The following NFE2L3 variants were observed in gnomAD, a reference collection of about 807,000 sequenced individuals.
The protein encoded by NFE2L3 is NFE2 like bZIP transcription factor 3.
NFE2L3 carries 18 observed loss-of-function variants against 23.5 expected under a neutral mutation model. The ratio of observed to expected loss-of-function variants is 0.77; its 90% CI spans 0.53 to 1.13. The LOEUF (loss-of-function observed/expected upper bound fraction) is 1.13. Ranked by LOEUF, NFE2L3 falls within the 50% of genes most tolerant of loss-of-function variation. The probability of loss-of-function intolerance (pLI) is 0.00; values close to 1 mark genes in which losing one functional copy is unlikely to be tolerated. For synonymous variants in NFE2L3, 424 were observed against 354.5 expected, an observed-to-expected ratio of 1.20 and a Z score of -2.20; for missense variants, 1,152 against 877.2, an observed-to-expected ratio of 1.31 and a Z score of -3.96.
Position 26,184,920 on chromosome 7 carries a change from G to A in NFE2L3, c.1222G>A (p.Val408Ile), listed in dbSNP as rs986956113. ...AGAAGACAACTTTGATCCAATCGAT[G>A]TTTCTCAGCTTTTTGATGAACCAGA... is the stretch of plus-strand genomic sequence containing the variant. Reference protein sequence around the residue: ...ATEDNFDPIDVSQLFDEPDSD... With the variant: ...ATEDNFDPIDISQLFDEPDSD... The change falls in exon 4 of 4, where the codon GTT (valine) becomes ATT (isoleucine). Residue 408 changes from valine to isoleucine, a missense_variant. Transcript: ENST00000056233. 6.2e-7 allele frequency: 1 copy of A among 1,613,798 alleles called. No individual in the cohort carries two copies. The highest frequency in any genetic ancestry group is 8.5e-7 in the Non-Finnish European group (1 of 1,179,852).
In NFE2L3 at chr7:26,183,924, A is replaced by G. The variant is rs1782401644; in HGVS notation, c.834+140A>G. 3 of 625,206 alleles carry G rather than the reference A, an allele frequency of 4.8e-6. No homozygotes were observed. The South Asian group carries it at 6.0e-5, about 12-fold the overall frequency. The allele number at this position is 625,206 out of a possible 1,614,324, so 38.7% of individuals were successfully genotyped here. On this transcript the variant is annotated intron_variant, in intron 3 of 3. Transcript: ENST00000056233. ...TACAGAAGCACTTCAGCTTAGAATT[A>G]ACCAAATATGTATAGCATTCCTCTT...
chr7:26,166,432 C>T (rs1358155222), intron 1 of NFE2L3, among the ~76,000 whole-genome samples: 1 of 152,152 alleles, frequency 6.6e-6, no homozygotes, highest in Non-Finnish European at 1.5e-5. Context: ...CACACATGGA[C>T]CTGGAGGGGC....
At chr7:26,173,357 T>G (rs1784354135) in intron 1 of NFE2L3, among the ~76,000 whole-genome samples, 2 of 152,238 alleles carry the variant, frequency 1.3e-5, no homozygotes, top group Non-Finnish European at 2.9e-5. Flanking sequence ...ATTATTTGTG[T>G]AATATAGGTG....
chr7:26,183,402 G>C (rs1206541731), intron 2 of NFE2L3, among the ~76,000 whole-genome samples: 1 of 152,052 alleles, frequency 6.6e-6, no homozygotes. Flanking sequence ...ACAAAAATTA[G>C]CCAGACGTGG....
intron 1 of NFE2L3, among the ~76,000 whole-genome samples, chr7:26,154,635 C>T (rs892562656): frequency 6.6e-6 from 1 of 152,216 alleles, no homozygotes; most frequent in African/African-American, 2.4e-5. Flanking sequence ...ACTGCAGCCT[C>T]AACCTCCCCG....
chr7:26,167,685 T>C (rs1410255239), intron 1 of NFE2L3, among the ~76,000 whole-genome samples: 2 of 152,180 alleles, frequency 1.3e-5, no homozygotes. Flanking sequence ...AAACATACTC[T>C]GTATCTCAGC....
At chr7:26,181,921 A>G (rs926258744) in intron 2 of NFE2L3, among the ~76,000 whole-genome samples, 1 of 152,144 alleles carries the variant, frequency 6.6e-6, no homozygotes, top group Non-Finnish European at 1.5e-5. Context: ...ATTATCTAGA[A>G]TATACCAGAG....
At chr7:26,161,123 G>T (rs1048590476) in intron 1 of NFE2L3, among the ~76,000 whole-genome samples, 1 of 152,140 alleles carries the variant, frequency 6.6e-6, no homozygotes, top group African/African-American at 2.4e-5. Context: ...TCCCCAAGGG[G>T]GAGGTCATAC....
At position 26,186,152 on chromosome 7, in the gene NFE2L3, T is replaced by A. The variant is rs181267062; in HGVS notation, c.*369T>A. 5.2e-3 allele frequency: 884 copies of A among 168,780 alleles called. 8 individuals are homozygous for A. Among genetic ancestry groups the A allele is most frequent in the African/African-American group, 0.02 (853 of 42,270 alleles). 10.5% of individuals were successfully genotyped at this position (168,780 alleles called of 1,614,324 possible). A position where few individuals can be genotyped will look rare whatever the true frequency, so the allele number is the denominator to read the frequency against. ...GGGGATCAAATTATTTTAAGAGGTA[T>A]TTCAGTTTTAAATGCAAAATAGCCT... On this transcript the variant is annotated 3_prime_UTR_variant, in exon 4 of 4. Transcript: ENST00000056233.
rs114740919 is a variant in NFE2L3, at chr7:26,160,052, C to T, written c.570+6984C>T. ...TACTGCAGCCTCAACCTTCTGGGCA[C>T]AAGCCATCCTCCTGCCTTAGTCTCC... On this transcript the variant is annotated intron_variant, in intron 1 of 3. Transcript: ENST00000056233. Among the ~76,000 whole-genome samples the T allele has an allele frequency of 1.4e-3, 215 of 150,846 alleles. 1 individual carries two copies. Among genetic ancestry groups the T allele is most frequent in the African/African-American group, 5.1e-3 (209 of 40,962 alleles).
At chr7:26,184,322 T>C in intron 3 of NFE2L3, 2 of 524,160 alleles carry the variant, frequency 3.8e-6, no homozygotes, top group Middle Eastern at 5.0e-4. Context: ...CCATCTTAAT[T>C]TCTAGGTTAC....
intron 1 of NFE2L3, among the ~76,000 whole-genome samples, chr7:26,154,768 T>G (rs917608310): frequency 6.6e-6 from 1 of 152,186 alleles, no homozygotes; most frequent in East Asian, 1.9e-4. Flanking sequence ...CTCGAACTCC[T>G]TGGCTCAAGT....
At chr7:26,153,089 G>T (rs1366771746) in intron 1 of NFE2L3, 21 bp downstream of exon 1, 3 of 1,510,378 alleles carry the variant, frequency 2.0e-6, no homozygotes, top group East Asian at 5.3e-5. Flanking sequence ...AGCGGGAAGC[G>T]AGCGAAGTGC....
chr7:26,162,758 G>A (rs1404921506), intron 1 of NFE2L3, among the ~76,000 whole-genome samples: 1 of 151,674 alleles, frequency 6.6e-6, no homozygotes, highest in East Asian at 1.9e-4. Context: ...TGTTGCCCAG[G>A]CTGGAGTGCA....
intron 1 of NFE2L3, among the ~76,000 whole-genome samples, chr7:26,175,672 G>C (rs1167800420): frequency 4.0e-5 from 6 of 150,264 alleles, no homozygotes; most frequent in African/African-American, 1.2e-4. Flanking sequence ...CCAGTTACTG[G>C]GGAGGCTGAG....
Position 26,183,600 on chromosome 7 carries a change from A to G in NFE2L3, c.751-101A>G, listed in dbSNP as rs1375615979. 17 of 722,536 alleles carry G rather than the reference A, an allele frequency of 2.4e-5. No individual in the cohort carries two copies. The East Asian group carries it at 4.2e-4, about 18-fold the overall frequency. The allele number at this position is 722,536 out of a possible 1,614,324, so 44.8% of individuals were successfully genotyped here. ...AAGGAACATAATAGCATAAAAATCC[A>G]GTGTGGAAATAATACCTGGTGATCC... is the stretch of plus-strand genomic sequence containing the variant. On this transcript the variant is annotated intron_variant, in intron 2 of 3. Coordinates refer to ENST00000056233, the MANE Select transcript of NFE2L3 (RefSeq NM_004289.7).
chr7:26,185,900 A>AT lies in NFE2L3; in HGVS notation c.*118dup. 1 of 848,986 alleles carries AT rather than the reference A, an allele frequency of 1.2e-6. No individual in the cohort carries two copies. The highest frequency in any genetic ancestry group is 1.8e-6 in the Non-Finnish European group (1 of 561,794). The allele number at this position is 848,986 out of a possible 1,614,324, so 52.6% of individuals were successfully genotyped here. ...TGTATCTTTAAGTACTGCTACTTGA[A>AT]TAACTCAGTTAACGCTGTTTTGAAG... is the stretch of plus-strand genomic sequence containing the variant. On this transcript the variant is annotated 3_prime_UTR_variant, in exon 4 of 4. Transcript: ENST00000056233.
At chr7:26,174,737 T>A (rs1784373254) in intron 1 of NFE2L3, 1 of 152,212 alleles carries the variant, frequency 6.6e-6, no homozygotes, top group South Asian at 2.1e-4. Context: ...TTAAAAATGT[T>A]TTTCTGTGGT....
rs767070129 is a variant in NFE2L3, at chr7:26,183,788, A to G, written c.834+4A>G. On this transcript the variant is annotated splice_donor_region_variant and intron_variant, in intron 3 of 3. Transcript: ENST00000056233. ...ACAGCCTGAAAATTCACTGGAGGTAATTGGAACTTTGGCTTTTATCCTCGC... is the reference window on the plus strand; with the variant it reads ...ACAGCCTGAAAATTCACTGGAGGTAGTTGGAACTTTGGCTTTTATCCTCGC... The G allele has an allele frequency of 1.9e-6, 3 of 1,605,972 alleles. No individual in the cohort carries two copies. The highest frequency in any genetic ancestry group is 2.6e-6 in the Non-Finnish European group (3 of 1,172,576).
Sources: gnomAD v4.1 joint callset for allele counts (sites outside exome capture counted in the v4.1 genomes callset) on GRCh38, gnomAD v4.1.1 for gene constraint, MANE v1.5 for transcripts, NCBI Gene and HGNC (gene_info 2026-07-23, HGNC 2026-07-21) for gene names.